Variants in DCC observed in about 807,000 individuals in gnomAD.
DCC encodes DCC netrin 1 receptor.
Under a neutral mutation model 172.5 loss-of-function variants are expected in DCC, and 58 were observed. The observed-to-expected ratio is 0.34, with a 90% CI of 0.27 to 0.42. The LOEUF is 0.42. Ranked by LOEUF, DCC falls within the 10% of genes least tolerant of loss-of-function variation. The pLI, the probability that DCC is intolerant of heterozygous loss-of-function variation, is 1.00. For missense variants in DCC, 1,740 were observed against 1,791.0 expected, an observed-to-expected ratio of 0.97 and a Z score of 0.51; for synonymous variants, 709 against 644.5, an observed-to-expected ratio of 1.10 and a Z score of -1.52.
intron 1 of DCC, among the ~76,000 whole-genome samples, chr18:52,614,989 G>T (rs1010677904): frequency 2.6e-5 from 4 of 152,162 alleles, no homozygotes. Context: ...TAAAATGAAA[G>T]AAAGGGAAAT....
chr18:53,281,449 T>C (rs766858781), intron 12 of DCC, among the ~76,000 whole-genome samples: 1 of 152,152 alleles, frequency 6.6e-6, no homozygotes, highest in Non-Finnish European at 1.5e-5. Context: ...ATATTTCTTT[T>C]GCTGAGAACT....
At chr18:53,507,892 CTTTTTTTT>C (rs780896758) in intron 27 of DCC, among the ~76,000 whole-genome samples, 1 of 130,994 alleles carries the variant, frequency 7.6e-6, no homozygotes, top group Non-Finnish European at 1.6e-5. Context: ...ACAGATACCA[CTTTTTTTT>C]TTTTTTTTTT....
intron 13 of DCC, among the ~76,000 whole-genome samples, chr18:53,311,099 T>A (rs1316542011): frequency 6.8e-6 from 1 of 147,462 alleles, no homozygotes; most frequent in East Asian, 2.0e-4. Context: ...GGTTTTATTT[T>A]ATTTCATTTA....
intron 1 of DCC, among the ~76,000 whole-genome samples, chr18:52,414,423 T>G (rs1462186237): frequency 1.3e-5 from 2 of 152,184 alleles, no homozygotes; most frequent in African/African-American, 2.4e-5. Flanking sequence ...TTTATCTTGC[T>G]TTTAGCCCCT....
intron 25 of DCC, among the ~76,000 whole-genome samples, chr18:53,479,755 A>G (rs2045810197): frequency 3.3e-5 from 5 of 152,204 alleles, no homozygotes. Context: ...AAGAGTTTCT[A>G]TTGCAATGTA....
At chr18:52,851,807 A>C (rs957670874) in intron 2 of DCC, among the ~76,000 whole-genome samples, 3 of 152,102 alleles carry the variant, frequency 2.0e-5, no homozygotes, top group Non-Finnish European at 4.4e-5. Context: ...AAGAAATGTA[A>C]ATTTCAAAAT....
intron 2 of DCC, among the ~76,000 whole-genome samples, chr18:52,839,851 G>C (rs181960922): frequency 3.3e-5 from 5 of 152,156 alleles, no homozygotes; most frequent in Non-Finnish European, 7.3e-5. Context: ...TTGAAGACTG[G>C]TTAGTTGGAA....
At chr18:53,395,397 C>T (rs188578130) in intron 17 of DCC, among the ~76,000 whole-genome samples, 1 of 152,158 alleles carries the variant, frequency 6.6e-6, no homozygotes, top group Non-Finnish European at 1.5e-5. Context: ...TGCTCAGAAA[C>T]TGTTTTTATT....
chr18:52,739,716 G>A (rs1000563813), intron 1 of DCC, among the ~76,000 whole-genome samples: 3 of 152,210 alleles, frequency 2.0e-5, no homozygotes, highest in Admixed American at 6.5e-5. Flanking sequence ...ATCACACCAT[G>A]TCAGAGGCCA....
chr18:53,141,744 C>T (rs1049996344), intron 7 of DCC, among the ~76,000 whole-genome samples: 6 of 152,112 alleles, frequency 3.9e-5, no homozygotes, highest in African/African-American at 1.4e-4. Context: ...TTCTACTGCT[C>T]ACTTCTTGCC....
chr18:52,752,368 G>T lies in DCC; in HGVS notation c.406G>T (p.Val136Leu), dbSNP rs2037009804. 1.9e-6 allele frequency: 3 copies of T among 1,613,238 alleles called. No individual in the cohort carries two copies. Among genetic ancestry groups the T allele is most frequent in the Non-Finnish European group, 2.5e-6 (3 of 1,179,138 alleles). The change falls in exon 2 of 29, where the codon GTA becomes TTA. Residue 136 changes from valine to leucine, a missense_variant. This residue lies in a region of DCC where 1,732 missense variants were observed against 1,767.4 expected (regional missense o/e 0.98). Transcript: ENST00000442544. ...SIISRTAKVAVAGPLRFLSQT... is the reference protein window; with the variant it reads ...SIISRTAKVALAGPLRFLSQT... ...TATTAGTCGGACAGCAAAAGTTGCA[G>T]TAGCAGGTAGGTGGATTCTTCCTTC...
At chr18:52,444,152 T>C (rs1988053102) in intron 1 of DCC, among the ~76,000 whole-genome samples, 3 of 152,192 alleles carry the variant, frequency 2.0e-5, no homozygotes, top group South Asian at 2.1e-4. Flanking sequence ...GGAATGGGGC[T>C]ACCTGAACCA....
chr18:52,970,913 T>A (rs2041019346), intron 5 of DCC, among the ~76,000 whole-genome samples: 1 of 152,198 alleles, frequency 6.6e-6, no homozygotes, highest in South Asian at 2.1e-4. Context: ...AGCAGCATCT[T>A]CATAACTCTG....
chr18:52,951,936 C>G (rs1382505991), intron 5 of DCC, among the ~76,000 whole-genome samples: 1 of 151,976 alleles, frequency 6.6e-6, no homozygotes, highest in Non-Finnish European at 1.5e-5. Flanking sequence ...TCAAGGATGC[C>G]CAACTAGTAT....
At position 53,305,696 on chromosome 18, in the gene DCC, A is replaced by G. The variant is rs1300419148; in HGVS notation, c.2030A>G (p.Asn677Ser). Residue 677 changes from asparagine to serine, a missense_variant, in exon 13 of 29, where the codon AAC (asparagine) becomes AGC (serine). Asn to Ser is a conservative substitution (Grantham distance 46, BLOSUM62 1). This residue lies in a region of DCC where 1,732 missense variants were observed against 1,767.4 expected (regional missense o/e 0.98). Coordinates refer to ENST00000442544, the MANE Select transcript of DCC (RefSeq NM_005215.4). ...RRGEMETLEP[N>S]NLWYLFTGLE... ...GGTGAGATGGAAACACTGGAGCCAAACAACCTCTGGTACCTATTCACAGGT... is the reference window on the plus strand; with the variant it reads ...GGTGAGATGGAAACACTGGAGCCAAGCAACCTCTGGTACCTATTCACAGGT... The G allele has an allele frequency of 6.2e-7, 1 of 1,614,072 alleles. No homozygotes were observed. Among genetic ancestry groups the G allele is most frequent in the South Asian group, 1.1e-5 (1 of 91,090 alleles).
intron 12 of DCC, among the ~76,000 whole-genome samples, chr18:53,225,678 T>C (rs556116365): frequency 1.1e-4 from 17 of 152,276 alleles, no homozygotes; most frequent in Admixed American, 1.0e-3. Flanking sequence ...TTATCTCAGA[T>C]TGTAGAAAAG....
chr18:53,408,131 C>T (rs1909779855), intron 19 of DCC, among the ~76,000 whole-genome samples: 1 of 152,152 alleles, frequency 6.6e-6, no homozygotes, highest in South Asian at 2.1e-4. Context: ...CCTTGTTGAT[C>T]ACAGTAATCA....
At chr18:53,044,798 T>C (rs1218556157) in intron 5 of DCC, among the ~76,000 whole-genome samples, 2 of 151,856 alleles carry the variant, frequency 1.3e-5, no homozygotes, top group African/African-American at 4.8e-5. Context: ...TTTAAAAATA[T>C]GCATGCAATA....
intron 1 of DCC, among the ~76,000 whole-genome samples, chr18:52,377,145 A>G (rs1180408641): frequency 1.3e-5 from 2 of 152,234 alleles, no homozygotes; most frequent in Non-Finnish European, 2.9e-5. Flanking sequence ...GCTTAACTTC[A>G]GCTTTTTTTC....
Sources: allele counts gnomAD v4.1 joint callset (sites outside exome capture counted in the v4.1 genomes callset), GRCh38; gene constraint gnomAD v4.1.1; regional missense constraint gnomAD v4.1.1; transcripts MANE v1.5; gene names NCBI Gene and HGNC (gene_info 2026-07-23, HGNC 2026-07-21).